DGKG: variants seen among roughly 807,000 people sequenced by gnomAD.
The protein encoded by DGKG is DAG kinase gamma.
Under a neutral mutation model 105.3 loss-of-function variants are expected in DGKG, and 78 were observed. That is an observed-to-expected ratio of 0.74 (90% CI 0.62 to 0.89). The LOEUF is 0.89. Ranked by LOEUF, DGKG falls within the 40% of genes least tolerant of loss-of-function variation. The probability of loss-of-function intolerance (pLI) is 0.00; values close to 1 mark genes in which losing one functional copy is unlikely to be tolerated. For synonymous variants in DGKG, 346 were observed against 367.1 expected, an observed-to-expected ratio of 0.94 and a Z score of 0.66; for missense variants, 958 against 1,020.1, an observed-to-expected ratio of 0.94 and a Z score of 0.83.
At chr3:186,320,297 T>C (rs1432044947) in intron 2 of DGKG, 96 bp downstream of exon 2, 18 of 1,446,644 alleles carry the variant, frequency 1.2e-5, no homozygotes, top group Non-Finnish European at 1.5e-5. Flanking sequence ...CATCATTCTT[T>C]GTGGCTTTGC....
At chr3:186,212,733 G>A (rs1163089610) in intron 20 of DGKG, among the ~76,000 whole-genome samples, 1 of 152,208 alleles carries the variant, frequency 6.6e-6, no homozygotes, top group Non-Finnish European at 1.5e-5. Flanking sequence ...GTTTCTGAAG[G>A]TATTCCATTC....
intron 7 of DGKG, among the ~76,000 whole-genome samples, chr3:186,283,562 C>T (rs1578774227): frequency 6.6e-6 from 1 of 152,160 alleles, no homozygotes. Context: ...TTCTCAGCAC[C>T]CATCCCTACC....
At chr3:186,338,233 T>A (rs1725925907) in intron 1 of DGKG, among the ~76,000 whole-genome samples, 1 of 151,220 alleles carries the variant, frequency 6.6e-6, no homozygotes. Context: ...ATCTAACAAT[T>A]AATGTGCAAG....
intron 1 of DGKG, among the ~76,000 whole-genome samples, chr3:186,322,969 C>T (rs1031695914): frequency 3.9e-5 from 6 of 152,190 alleles, no homozygotes; most frequent in African/African-American, 7.2e-5. Flanking sequence ...ACTGTGTGCT[C>T]CCTCTTGTCC....
chr3:186,174,539 G>T (rs1046947501), intron 22 of DGKG, among the ~76,000 whole-genome samples: 2 of 152,170 alleles, frequency 1.3e-5, no homozygotes, highest in Non-Finnish European at 2.9e-5. Flanking sequence ...AATTTAGGGT[G>T]ACTTGCCCCT....
intron 2 of DGKG, among the ~76,000 whole-genome samples, chr3:186,312,492 G>T (rs370747714): frequency 6.6e-6 from 1 of 152,154 alleles, no homozygotes; most frequent in East Asian, 1.9e-4. Flanking sequence ...TGGATCTGGG[G>T]CTGACTGCTG....
At chr3:186,193,198 T>G (rs1717989459) in intron 21 of DGKG, among the ~76,000 whole-genome samples, 1 of 152,198 alleles carries the variant, frequency 6.6e-6, no homozygotes, top group Non-Finnish European at 1.5e-5. Flanking sequence ...TGAGAGCCAA[T>G]GTAGTGTCTT....
Position 186,149,009 on chromosome 3 carries a change from C to T in DGKG, c.*1081G>A. 1 of 654,530 alleles carries T rather than the reference C, an allele frequency of 1.5e-6. No individual in the cohort carries two copies. The allele number at this position is 654,530 out of a possible 1,614,324, so 40.5% of individuals were successfully genotyped here. On this transcript the variant is annotated 3_prime_UTR_variant, in exon 25 of 25. Transcript: ENST00000265022. ...TAGGCTAAATATATATATATACACG[C>T]ACACACACACACACACGCGCGCACA...
intron 7 of DGKG, among the ~76,000 whole-genome samples, chr3:186,283,049 C>T (rs1019505849): frequency 6.6e-6 from 1 of 151,852 alleles, no homozygotes; most frequent in Non-Finnish European, 1.5e-5. Context: ...GCTGGGACTA[C>T]AGGTGTGTGC....
At chr3:186,209,317 G>T (rs1383015013) in intron 21 of DGKG, among the ~76,000 whole-genome samples, 2 of 151,856 alleles carry the variant, frequency 1.3e-5, no homozygotes, top group Non-Finnish European at 2.9e-5. Context: ...GGCCAAGCTG[G>T]TCTCGAACTC....
chr3:186,186,053 T>A (rs2018092), intron 22 of DGKG, among the ~76,000 whole-genome samples: 2 of 144,038 alleles, frequency 1.4e-5, no homozygotes, highest in African/African-American at 5.3e-5. Flanking sequence ...AGCCAACATG[T>A]GCCACTGCAC....
intron 2 of DGKG, among the ~76,000 whole-genome samples, chr3:186,310,926 T>C (rs1260773379): frequency 7.0e-6 from 1 of 143,042 alleles, no homozygotes; most frequent in East Asian, 2.0e-4. Context: ...CCGAGGCTTA[T>C]GGAATTTAAG....
intron 19 of DGKG, among the ~76,000 whole-genome samples, chr3:186,245,152 C>T (rs374781104): frequency 2.0e-5 from 3 of 152,312 alleles, no homozygotes; most frequent in East Asian, 3.9e-4. Flanking sequence ...TACAGGCCCC[C>T]TCCTTCCATG....
At position 186,260,347 on chromosome 3, in the gene DGKG, A is replaced by G. The variant is rs113381146; in HGVS notation, c.1424+92T>C. On this transcript the variant is annotated intron_variant, in intron 16 of 24. Transcript: ENST00000265022. ...ATGGCAGGAAGGAACAAGTTGAGAGACGAAAGAAAAAAAAGGTGACAAAAG... is the reference window on the plus strand; with the variant it reads ...ATGGCAGGAAGGAACAAGTTGAGAGGCGAAAGAAAAAAAAGGTGACAAAAG... 1.7e-4 allele frequency: 153 copies of G among 918,246 alleles called. 1 individual carries two copies. In the African/African-American group the frequency reaches 2.2e-3, roughly 13 times the overall value. The allele number at this position is 918,246 out of a possible 1,614,324, so 56.9% of individuals were successfully genotyped here.
chr3:186,259,104 C>T (rs1303075538), intron 16 of DGKG, among the ~76,000 whole-genome samples: 3 of 103,096 alleles, frequency 2.9e-5, no homozygotes, highest in African/African-American at 1.1e-4. Context: ...TGCTCTCCGA[C>T]GGGACTCTCC....
At chr3:186,161,115 G>A in intron 24 of DGKG, 1 of 988,856 alleles carries the variant, frequency 1.0e-6, no homozygotes, top group Non-Finnish European at 1.2e-6. Flanking sequence ...GCATGTCTGT[G>A]CTCTGCGAGG....
At chr3:186,219,055 T>C (rs1290860045) in intron 20 of DGKG, among the ~76,000 whole-genome samples, 1 of 151,630 alleles carries the variant, frequency 6.6e-6, no homozygotes, top group African/African-American at 2.4e-5. Context: ...AGTAATAATA[T>C]TGACAGTACT....
chr3:186,195,372 T>C lies in DGKG; in HGVS notation c.1918-6993A>G, dbSNP rs375296266. ...AAAAAATTCTTTAATAAGTATCCAG[T>C]AGTTGTTCAAATTTCCTTGATAGTA... On this transcript the variant is annotated intron_variant, in intron 21 of 24. Transcript: ENST00000265022. Among the ~76,000 whole-genome samples the C allele has an allele frequency of 3.2e-4, 49 of 152,298 alleles. No homozygotes were observed. The East Asian group carries it at 6.9e-3, about 22-fold the overall frequency.
chr3:186,313,980 A>ATCAG (rs1724683497), intron 2 of DGKG, among the ~76,000 whole-genome samples: 1 of 152,184 alleles, frequency 6.6e-6, no homozygotes, highest in Admixed American at 6.5e-5. Flanking sequence ...GGTTCTACAT[A>ATCAG]TCAGCCCTAA....
Sources: gnomAD v4.1 joint callset for allele counts (sites outside exome capture counted in the v4.1 genomes callset) on GRCh38, gnomAD v4.1.1 for gene constraint, MANE v1.5 for transcripts, NCBI Gene and HGNC (gene_info 2026-07-23, HGNC 2026-07-21) for gene names.